The following PPIP5K2 variants were observed in gnomAD, a reference collection of about 807,000 sequenced individuals.
The protein encoded by PPIP5K2 is inositol hexakisphosphate and diphosphoinositol-pentakisphosphate kinase 2.
A neutral mutation model predicts 154.6 loss-of-function variants in PPIP5K2; 105 were observed. The observed-to-expected ratio is 0.68, with a 90% CI of 0.58 to 0.80. The LOEUF is 0.80. Among genes scored for constraint, PPIP5K2 ranks in the 30% least tolerant of loss-of-function variants. PPIP5K2 has a pLI of 0.00. For synonymous variants in PPIP5K2, 480 were observed against 490.3 expected, an observed-to-expected ratio of 0.98 and a Z score of 0.28; for missense variants, 992 against 1,504.6, an observed-to-expected ratio of 0.66 and a Z score of 5.64.
At chr5:103,160,125 A>G (rs1795993356) in intron 17 of PPIP5K2, among the ~76,000 whole-genome samples, 1 of 152,150 alleles carries the variant, frequency 6.6e-6, no homozygotes, top group African/African-American at 2.4e-5. Context: ...CTAGATGATG[A>G]TACTTCATCT....
Position 103,206,066 on chromosome 5 carries a change from T to C in PPIP5K2, c.*4432T>C, listed in dbSNP as rs1000698908. 1.3e-5 allele frequency: 2 copies of C among 152,232 alleles called. No homozygotes were observed. Among genetic ancestry groups the C allele is most frequent in the East Asian group, 3.8e-4 (2 of 5,198 alleles). 9.4% of individuals were successfully genotyped at this position (152,232 alleles called of 1,614,324 possible). On this transcript the variant is annotated 3_prime_UTR_variant, in exon 31 of 31. Coordinates refer to ENST00000358359, the MANE Select transcript of PPIP5K2 (RefSeq NM_001276277.3). ...CTTTTTTTATTGCTTTAAAATTCTT[T>C]TGTCTTTCTGTAACAATACTTTCCA...
At chr5:103,186,570 C>A in intron 27 of PPIP5K2, 131 bp downstream of exon 27, 1 of 1,258,798 alleles carries the variant, frequency 7.9e-7, no homozygotes, top group Non-Finnish European at 1.1e-6. Flanking sequence ...GCCTAAATGA[C>A]TATCAGTGCT....
At chr5:103,158,373 A>G in intron 15 of PPIP5K2, 60 bp downstream of exon 15, 2 of 1,593,428 alleles carry the variant, frequency 1.3e-6, no homozygotes, top group South Asian at 1.1e-5. Flanking sequence ...TGAAATCCTC[A>G]TTTGTGATGT....
At chr5:103,166,763 G>C (rs185247596) in intron 17 of PPIP5K2, among the ~76,000 whole-genome samples, 1 of 151,966 alleles carries the variant, frequency 6.6e-6, no homozygotes, top group South Asian at 2.1e-4. Context: ...GAGTGAGCTA[G>C]AGAAAAGAAA....
At position 103,151,248 on chromosome 5, in the gene PPIP5K2, A is replaced by T; in HGVS notation, c.907-5A>T. ...ACCTTAAAGTTTATAACTTATTTTA[A>T]ATAGCAAACAGTTTGTGGCTTTGAT... On this transcript the variant is annotated splice_region_variant and splice_polypyrimidine_tract_variant and intron_variant, in intron 8 of 30. Transcript: ENST00000358359. 6.3e-7 allele frequency: 1 copy of T among 1,587,238 alleles called. No individual in the cohort carries two copies. Among genetic ancestry groups the T allele is most frequent in the Non-Finnish European group, 8.6e-7 (1 of 1,167,864 alleles).
intron 3 of PPIP5K2, among the ~76,000 whole-genome samples, chr5:103,136,278 T>C (rs1791487356): frequency 6.6e-6 from 1 of 152,156 alleles, no homozygotes; most frequent in African/African-American, 2.4e-5. Flanking sequence ...TGGCCCACTG[T>C]TTTTAAAGGC....
intron 30 of PPIP5K2, among the ~76,000 whole-genome samples, chr5:103,195,543 T>C (rs1801959029): frequency 6.6e-6 from 1 of 152,208 alleles, no homozygotes; most frequent in African/African-American, 2.4e-5. Context: ...CCAAAATTAA[T>C]TTTTATTAGC....
intron 2 of PPIP5K2, among the ~76,000 whole-genome samples, chr5:103,132,578 T>C (rs1175083911): frequency 6.6e-6 from 1 of 152,130 alleles, no homozygotes; most frequent in East Asian, 1.9e-4. Flanking sequence ...ATTCTGATGT[T>C]ATCCAATTTT....
intron 5 of PPIP5K2, among the ~76,000 whole-genome samples, chr5:103,142,637 G>A (rs1792997191): frequency 6.6e-6 from 1 of 152,178 alleles, no homozygotes; most frequent in African/African-American, 2.4e-5. Flanking sequence ...TTAGCCGGGT[G>A]TGGTGGCGGG....
chr5:103,192,378 T>C (rs1445083328), intron 29 of PPIP5K2, among the ~76,000 whole-genome samples: 1 of 152,132 alleles, frequency 6.6e-6, no homozygotes, highest in Non-Finnish European at 1.5e-5. Flanking sequence ...TGGACAATGC[T>C]GTTACCTCAG....
At chr5:103,134,023 A>G (rs1791072539) in intron 3 of PPIP5K2, among the ~76,000 whole-genome samples, 1 of 152,092 alleles carries the variant, frequency 6.6e-6, no homozygotes, top group African/African-American at 2.4e-5. Flanking sequence ...TCCAGTTTTC[A>G]CTATTAAAAA....
rs536636396 is a variant in PPIP5K2, at chr5:103,135,684, G to A, written c.311-1048G>A. 1.3e-4 allele frequency among the ~76,000 whole-genome samples: 20 copies of A among 151,758 alleles called. No individual in the cohort carries two copies. In the South Asian group the frequency reaches 1.7e-3, roughly 13 times the overall value. On this transcript the variant is annotated intron_variant, in intron 3 of 30. Transcript: ENST00000358359. The stretch of plus-strand genomic sequence containing the variant: ...TGGCATCAAGCACTCCTCCCAACTC[G>A]GCCTCCCAAAGTACTGGGACAGGCA...
intron 27 of PPIP5K2, among the ~76,000 whole-genome samples, chr5:103,186,684 G>A (rs1289432090): frequency 6.6e-6 from 1 of 152,160 alleles, no homozygotes; most frequent in Non-Finnish European, 1.5e-5. Context: ...ACTTAGAAGA[G>A]TATTATGTGT....
At chr5:103,138,238 T>C (rs1166954799) in intron 4 of PPIP5K2, 146 bp from the exon 5 acceptor site, 1 of 391,998 alleles carries the variant, frequency 2.6e-6, no homozygotes, top group Non-Finnish European at 4.5e-6. Flanking sequence ...CGAAGTGACA[T>C]TTGTTTATTT....
At chr5:103,199,457 G>A (rs1317772320) in intron 30 of PPIP5K2, among the ~76,000 whole-genome samples, 1 of 152,084 alleles carries the variant, frequency 6.6e-6, no homozygotes, top group African/African-American at 2.4e-5. Flanking sequence ...GCACTTTAAT[G>A]ATATTCCACT....
At chr5:103,148,735 A>T (rs1794128519) in intron 7 of PPIP5K2, among the ~76,000 whole-genome samples, 1 of 151,898 alleles carries the variant, frequency 6.6e-6, no homozygotes, top group Admixed American at 6.6e-5. Context: ...TCTTTCCTTT[A>T]CTTTTCTTCT....
intron 4 of PPIP5K2, among the ~76,000 whole-genome samples, 179 bp from the exon 5 acceptor site, chr5:103,138,205 T>G (rs1554205093): frequency 6.6e-6 from 1 of 152,196 alleles, no homozygotes; most frequent in Non-Finnish European, 1.5e-5. Flanking sequence ...GAATATTTCC[T>G]CAGAATACCT....
intron 17 of PPIP5K2, among the ~76,000 whole-genome samples, chr5:103,163,366 C>T (rs940337260): frequency 2.6e-5 from 4 of 151,364 alleles, no homozygotes; most frequent in Admixed American, 2.0e-4. Context: ...ATAAATGGGC[C>T]CTCTTTAAAA....
Position 103,211,122 on chromosome 5 carries a change from A to G in PPIP5K2, c.*9488A>G, listed in dbSNP as rs914171553. On this transcript the variant is annotated 3_prime_UTR_variant, in exon 31 of 31. Transcript: ENST00000358359. ...CTGACATCTGTAAAACTAATCTGTAAAGTGAGATCTGGGTTCTGACCTATC... is the reference window on the plus strand; with the variant it reads ...CTGACATCTGTAAAACTAATCTGTAGAGTGAGATCTGGGTTCTGACCTATC... The G allele has an allele frequency of 6.6e-6, 1 of 152,072 alleles. No homozygotes were observed. Among genetic ancestry groups the G allele is most frequent in the African/African-American group, 2.4e-5 (1 of 41,430 alleles). The allele number at this position is 152,072 out of a possible 1,614,324, so 9.4% of individuals were successfully genotyped here.
Sources: allele counts gnomAD v4.1 joint callset (sites outside exome capture counted in the v4.1 genomes callset), GRCh38; gene constraint gnomAD v4.1.1; transcripts MANE v1.5; gene names NCBI Gene and HGNC (gene_info 2026-07-23, HGNC 2026-07-21).